RAB8B: variants seen among roughly 807,000 people sequenced by gnomAD.
The protein encoded by RAB8B is RAB8B, member RAS oncogene family, also known as ras-related protein Rab-8B.
RAB8B carries 11 observed loss-of-function variants against 32.0 expected under a neutral mutation model. That is an observed-to-expected ratio of 0.34 (90% confidence interval 0.22 to 0.57). RAB8B has a LOEUF of 0.57. RAB8B is among the 20% of genes least tolerant of loss of function. The pLI, the probability that RAB8B is intolerant of heterozygous loss-of-function variation, is 0.86. For missense variants in RAB8B, 190 were observed against 258.5 expected (o/e 0.73, Z 1.82); for synonymous variants, 103 against 89.6 (o/e 1.15, Z -0.85).
At chr15:63,219,457 T>C (rs1296714331) in intron 1 of RAB8B, among the ~76,000 whole-genome samples, 1 of 152,070 alleles carries the variant, frequency 6.6e-6, no homozygotes, top group South Asian at 2.1e-4. Flanking sequence ...ACTTTTTTTT[T>C]TTTTTTTAAA....
rs1362321164 is a variant in RAB8B, at chr15:63,267,001, C to T, written c.*3382C>T. The T allele has an allele frequency of 6.6e-6, 1 of 152,368 alleles. No individual in the cohort carries two copies. Among genetic ancestry groups the T allele is most frequent in the African/African-American group, 2.4e-5 (1 of 41,324 alleles). The allele number at this position is 152,368 out of a possible 1,614,324, so 9.4% of individuals were successfully genotyped here. On this transcript the variant is annotated 3_prime_UTR_variant, in exon 8 of 8. Transcript: ENST00000321437. ...AGCACTCATTTCTGCAATCAGGTTTCTCAGAATTTTTTTTTTTTAAACAGA... is the reference window on the plus strand; with the variant it reads ...AGCACTCATTTCTGCAATCAGGTTTTTCAGAATTTTTTTTTTTTAAACAGA...
Position 63,260,024 on chromosome 15 carries a change from G to A in RAB8B, c.480+332G>A, listed in dbSNP as rs572798827. On this transcript the variant is annotated intron_variant, in intron 6 of 7. Coordinates refer to ENST00000321437, the MANE Select transcript of RAB8B (RefSeq NM_016530.3). ...TAATTTTTGTATTTTTAGTAGAAAC[G>A]GGGTTTCACCATGTTGGCCAGGAGG... 2.6e-5 allele frequency among the ~76,000 whole-genome samples: 4 copies of A among 152,148 alleles called. No individual in the cohort carries two copies. The East Asian group carries it at 7.7e-4, about 29-fold the overall frequency.
At chr15:63,214,119 G>A (rs767694448) in intron 1 of RAB8B, among the ~76,000 whole-genome samples, 9 of 151,876 alleles carry the variant, frequency 5.9e-5, no homozygotes, top group Admixed American at 1.3e-4. Flanking sequence ...CTATACCAAC[G>A]TGTAAAATGT....
At chr15:63,242,517 A>C (rs1352900536) in intron 1 of RAB8B, among the ~76,000 whole-genome samples, 1 of 152,046 alleles carries the variant, frequency 6.6e-6, no homozygotes, top group Non-Finnish European at 1.5e-5. Context: ...TCTCCACTAA[A>C]AATACAAAAA....
intron 1 of RAB8B, among the ~76,000 whole-genome samples, chr15:63,203,225 A>G (rs575507068): frequency 6.6e-6 from 1 of 152,360 alleles, no homozygotes; most frequent in South Asian, 2.1e-4. Flanking sequence ...CCAAACTCTG[A>G]TCCTAAGTTA....
At chr15:63,195,169 A>G (rs1360925189) in intron 1 of RAB8B, among the ~76,000 whole-genome samples, 2 of 152,216 alleles carry the variant, frequency 1.3e-5, no homozygotes, top group African/African-American at 4.8e-5. Context: ...TTGTACATAA[A>G]GCCTTATTTT....
intron 3 of RAB8B, among the ~76,000 whole-genome samples, chr15:63,254,425 C>G (rs912011730): frequency 1.3e-5 from 2 of 151,752 alleles, no homozygotes; most frequent in African/African-American, 4.8e-5. Flanking sequence ...AGGAAGAGAC[C>G]TTTTCTATCT....
chr15:63,262,886 TTC>T (rs1157039536), intron 7 of RAB8B, 144 bp downstream of exon 7: 7 of 277,272 alleles, frequency 2.5e-5, no homozygotes, highest in Admixed American at 1.1e-4. Flanking sequence ...TGATTCTTAG[TTC>T]TGTTTGTTTA....
intron 1 of RAB8B, among the ~76,000 whole-genome samples, chr15:63,207,158 A>G (rs1265481146): frequency 6.6e-6 from 1 of 152,122 alleles, no homozygotes; most frequent in Non-Finnish European, 1.5e-5. Context: ...CTTCAATAAA[A>G]TTTGTAATTA....
At position 63,243,420 on chromosome 15, in the gene RAB8B, G is replaced by C. The variant is rs2038047815; in HGVS notation, c.125-1336G>C. ...ATTCACTAACTGGTCTCCTCAGAAA[G>C]CTTATTCCTGATATATGATAGAGCT... On this transcript the variant is annotated intron_variant, in intron 1 of 7. Coordinates refer to ENST00000321437, the MANE Select transcript of RAB8B (RefSeq NM_016530.3). Among the ~76,000 whole-genome samples the C allele has an allele frequency of 3.3e-5, 5 of 152,302 alleles. No individual in the cohort carries two copies. The South Asian group carries it at 1.0e-3, about 32-fold the overall frequency.
intron 1 of RAB8B, among the ~76,000 whole-genome samples, chr15:63,203,348 G>T (rs1022319867): frequency 2.6e-5 from 4 of 152,216 alleles, no homozygotes; most frequent in African/African-American, 9.6e-5. Context: ...TCAAATTCCT[G>T]TTTGAAAGCC....
Position 63,259,525 on chromosome 15 carries a change from T to TA in RAB8B, c.415-101dup, listed in dbSNP as rs2038186435. ...TTTGAGAACCACAGGAGTTCTGAAA[T>TA]AGATACCCTACCTTTGAGACTTTGA... On this transcript the variant is annotated intron_variant, in intron 5 of 7. Transcript: ENST00000321437. The surrounding 1 kb of genome is among the most constrained non-coding windows in gnomAD (Gnocchi z 4.4). 1.0e-6 allele frequency: 1 copy of TA among 967,942 alleles called. No homozygotes were observed. Among genetic ancestry groups the TA allele is most frequent in the East Asian group, 2.6e-5 (1 of 37,976 alleles). 60.0% of individuals were successfully genotyped at this position (967,942 alleles called of 1,614,324 possible).
chr15:63,213,517 G>A (rs773615369), intron 1 of RAB8B, among the ~76,000 whole-genome samples: 5 of 152,022 alleles, frequency 3.3e-5, no homozygotes, highest in African/African-American at 7.3e-5. Context: ...AGTAGGCTGT[G>A]CATTTATGAC....
intron 7 of RAB8B, among the ~76,000 whole-genome samples, 188 bp downstream of exon 7, chr15:63,262,930 G>T (rs2038214420): frequency 6.6e-6 from 1 of 152,064 alleles, no homozygotes; most frequent in South Asian, 2.1e-4. Context: ...CACTGTTTCA[G>T]TCCTTTCTTC....
At chr15:63,211,614 G>A (rs1158290230) in intron 1 of RAB8B, among the ~76,000 whole-genome samples, 3 of 152,120 alleles carry the variant, frequency 2.0e-5, no homozygotes, top group Admixed American at 6.5e-5. Context: ...AGGTAGTGTG[G>A]TAGAGTTCAA....
At chr15:63,250,419 G>A (rs1376968878) in intron 3 of RAB8B, among the ~76,000 whole-genome samples, 3 of 152,030 alleles carry the variant, frequency 2.0e-5, no homozygotes, top group East Asian at 3.9e-4. Context: ...CCACTGCTGT[G>A]GCTCATCTCC....
intron 3 of RAB8B, chr15:63,251,236 T>A (rs1043539008): frequency 2.2e-6 from 1 of 455,500 alleles, no homozygotes; most frequent in Non-Finnish European, 4.4e-6. Flanking sequence ...AGGGGCTTAT[T>A]ATATGTGCCA....
At chr15:63,253,495 C>T (rs111889004) in intron 3 of RAB8B, among the ~76,000 whole-genome samples, 11 of 152,048 alleles carry the variant, frequency 7.2e-5, no homozygotes, top group South Asian at 2.1e-4. Flanking sequence ...AGTACCCTTA[C>T]GGAAAGTGGA....
At chr15:63,252,716 A>G (rs1410046396) in intron 3 of RAB8B, among the ~76,000 whole-genome samples, 1 of 151,300 alleles carries the variant, frequency 6.6e-6, no homozygotes, top group Non-Finnish European at 1.5e-5. Flanking sequence ...TATCATTTTG[A>G]CCATTTTAAA....
Sources: allele counts gnomAD v4.1 joint callset (sites outside exome capture counted in the v4.1 genomes callset), GRCh38; gene constraint gnomAD v4.1.1; non-coding constraint Gnocchi (gnomAD v3.1); transcripts MANE v1.5; gene names NCBI Gene and HGNC (gene_info 2026-07-23, HGNC 2026-07-21).